SLC20A2: variants seen among roughly 807,000 people sequenced by gnomAD.
SLC20A2 encodes sodium-dependent phosphate transporter 2.
SLC20A2 carries 30 observed loss-of-function variants against 61.0 expected under a neutral mutation model. That is an observed-to-expected ratio of 0.49 (90% CI 0.37 to 0.67). The LOEUF (loss-of-function observed/expected upper bound fraction) is 0.67. Among genes scored for constraint, SLC20A2 ranks in the 30% least tolerant of loss-of-function variants. SLC20A2 has a pLI of 0.00. For missense variants in SLC20A2, 626 were observed against 866.4 expected, an observed-to-expected ratio of 0.72 and a Z score of 3.48; for synonymous variants, 351 against 353.3, an observed-to-expected ratio of 0.99 and a Z score of 0.07.
chr8:42,430,466 G>A (rs529833767), intron 8 of SLC20A2, among the ~76,000 whole-genome samples: 4 of 152,092 alleles, frequency 2.6e-5, no homozygotes, highest in South Asian at 2.1e-4. Context: ...CGGTTCAAGC[G>A]ATTCTCCTGC....
At chr8:42,493,406 C>G (rs1456114699) in intron 1 of SLC20A2, among the ~76,000 whole-genome samples, 1 of 152,358 alleles carries the variant, frequency 6.6e-6, no homozygotes, top group East Asian at 1.9e-4. Flanking sequence ...CCTGGAAACA[C>G]TGGCTAGGGG....
At chr8:42,487,665 G>A (rs553167897) in intron 1 of SLC20A2, among the ~76,000 whole-genome samples, 22 of 152,184 alleles carry the variant, frequency 1.4e-4, no homozygotes, top group African/African-American at 4.8e-4. Flanking sequence ...CCTCTCTAGC[G>A]AACTTGTCAT....
At chr8:42,486,456 C>T (rs2131294883) in intron 1 of SLC20A2, among the ~76,000 whole-genome samples, 1 of 152,262 alleles carries the variant, frequency 6.6e-6, no homozygotes, top group African/African-American at 2.4e-5. Flanking sequence ...CTTGGCCTCC[C>T]ACAGTACTGG....
At position 42,438,904 on chromosome 8, in the gene SLC20A2, A is replaced by G. The variant is rs150423765; in HGVS notation, c.934+546T>C. Among the ~76,000 whole-genome samples, 892 of 152,144 alleles carry G rather than the reference A, an allele frequency of 5.9e-3. 6 individuals carry two copies. Among genetic ancestry groups the G allele is most frequent in the Non-Finnish European group, 7.5e-3 (512 of 67,986 alleles). On this transcript the variant is annotated intron_variant, in intron 7 of 10. Coordinates refer to ENST00000520262, the MANE Select transcript of SLC20A2 (RefSeq NM_001257180.2). ...GCTAATTTTTGTATTTTTAGTAGAG[A>G]TGGGGTTTCACCATGTTGGTCAGGC...
At chr8:42,457,472 G>T (rs75465742) in intron 5 of SLC20A2, among the ~76,000 whole-genome samples, 10,191 of 151,554 alleles carry the variant, frequency 0.067, 1,100 homozygotes, top group African/African-American at 0.23. Flanking sequence ...GCCCCACAGT[G>T]AGTATTTAAA....
intron 2 of SLC20A2, among the ~76,000 whole-genome samples, chr8:42,468,295 G>A (rs1020050857): frequency 1.3e-5 from 2 of 152,196 alleles, no homozygotes; most frequent in African/African-American, 4.8e-5. Flanking sequence ...CTTCCTGAAA[G>A]CTGCTATATT....
At chr8:42,512,155 T>C (rs1446288024) in intron 1 of SLC20A2, among the ~76,000 whole-genome samples, 1 of 152,174 alleles carries the variant, frequency 6.6e-6, no homozygotes, top group African/African-American at 2.4e-5. Flanking sequence ...GACATTATAT[T>C]CTTGCCTCTC....
chr8:42,485,944 C>CA (rs368127646), intron 1 of SLC20A2, among the ~76,000 whole-genome samples: 1,679 of 113,526 alleles, frequency 0.015, 16 homozygotes, highest in African/African-American at 0.031. Context: ...GACTCCGTCT[C>CA]AAAAAAAAAA....
chr8:42,462,972 T>A (rs781004714), intron 4 of SLC20A2, 33 bp downstream of exon 4: 2 of 1,364,416 alleles, frequency 1.5e-6, no homozygotes, highest in South Asian at 2.6e-5. Flanking sequence ...AAATAGTTCT[T>A]AAGATTTAAT....
chr8:42,422,318 G>T (rs1391477868), intron 10 of SLC20A2, among the ~76,000 whole-genome samples: 1 of 152,182 alleles, frequency 6.6e-6, no homozygotes, highest in Non-Finnish European at 1.5e-5. Context: ...CTCCCAAAGT[G>T]CTGGGATTAC....
intron 1 of SLC20A2, among the ~76,000 whole-genome samples, chr8:42,524,567 C>T (rs1811796521): frequency 6.6e-6 from 1 of 152,088 alleles, no homozygotes; most frequent in Admixed American, 6.6e-5. Context: ...TCGGGCAGAT[C>T]ACAAGGTCAG....
chr8:42,443,338 G>A (rs371211892), intron 6 of SLC20A2, among the ~76,000 whole-genome samples: 8 of 121,010 alleles, frequency 6.6e-5, no homozygotes, highest in South Asian at 5.5e-4. Flanking sequence ...TTTTTGAGAC[G>A]GAGTCTCGCT....
In SLC20A2 at chr8:42,417,703, G is replaced by C; in HGVS notation, c.*100C>G. ...GCAGAGAGCTGGTCATGAGAGAGCC[G>C]TGCACGGCCAGGATGTGTATGTGCG... On this transcript the variant is annotated 3_prime_UTR_variant, in exon 11 of 11. Transcript: ENST00000520262. 7.6e-7 allele frequency: 1 copy of C among 1,319,272 alleles called. No homozygotes were observed. The highest frequency in any genetic ancestry group is 1.4e-5 in the African/African-American group (1 of 69,516). The allele number at this position is 1,319,272 out of a possible 1,614,324, so 81.7% of individuals were successfully genotyped here. A position where few individuals can be genotyped will look rare whatever the true frequency, so the allele number is the denominator to read the frequency against.
At position 42,526,476 on chromosome 8, in the gene SLC20A2, C is replaced by A. The variant is rs540160888; in HGVS notation, c.-265+15345G>T. Reference sequence around the variant, plus strand: ...ATCACTAGGTCAGGAGATCGAGACCCTCCTGGCTAACACAGTGAAACCCCG... The same window carrying A: ...ATCACTAGGTCAGGAGATCGAGACCATCCTGGCTAACACAGTGAAACCCCG... On this transcript the variant is annotated intron_variant, in intron 1 of 10. Coordinates refer to the SLC20A2 transcript ENST00000342228. Among the ~76,000 whole-genome samples the A allele has an allele frequency of 7.9e-4, 120 of 151,856 alleles. 1 individual carries two copies. The highest frequency in any genetic ancestry group is 2.9e-3 in the South Asian group (14 of 4,802).
At position 42,530,793 on chromosome 8, in the gene SLC20A2, G is replaced by A. The variant is rs559300827; in HGVS notation, c.-265+11028C>T. Among the ~76,000 whole-genome samples, 4 of 152,270 alleles carry A rather than the reference G, an allele frequency of 2.6e-5. No individual in the cohort carries two copies. In the South Asian group the frequency reaches 8.3e-4, roughly 32 times the overall value. On this transcript the variant is annotated intron_variant, in intron 1 of 10. Coordinates refer to the SLC20A2 transcript ENST00000342228. Reference sequence around the variant, plus strand: ...TGCAGTGGCATGATCTCAGCTCACTGCAACCTCCACCTCCCGGGTTCAAGG... The same window carrying A: ...TGCAGTGGCATGATCTCAGCTCACTACAACCTCCACCTCCCGGGTTCAAGG...
chr8:42,460,138 T>G lies in SLC20A2; in HGVS notation c.517-146A>C, dbSNP rs1156258331. ...AAAGGATGGGCGTTGTCACTGCCTG[T>G]GATCTGCTCCACTTCTGCAGAAATG... On this transcript the variant is annotated intron_variant, in intron 4 of 10. Transcript: ENST00000520262. 1.2e-5 allele frequency: 7 copies of G among 565,734 alleles called. No homozygotes were observed. The East Asian group carries it at 1.8e-4, about 14-fold the overall frequency. The allele number at this position is 565,734 out of a possible 1,614,324, so 35.0% of individuals were successfully genotyped here.
intron 5 of SLC20A2, among the ~76,000 whole-genome samples, chr8:42,451,433 G>A (rs1805637747): frequency 6.7e-6 from 1 of 149,024 alleles, no homozygotes; most frequent in Admixed American, 6.7e-5. Flanking sequence ...AGAGATGTAA[G>A]AGGAGGAGGA....
At chr8:42,466,811 A>G (rs1371085334) in intron 2 of SLC20A2, among the ~76,000 whole-genome samples, 1 of 151,966 alleles carries the variant, frequency 6.6e-6, no homozygotes, top group Non-Finnish European at 1.5e-5. Flanking sequence ...TGAGATTACA[A>G]GTGTGCACCA....
At chr8:42,424,856 G>A (rs1247877410) in intron 10 of SLC20A2, among the ~76,000 whole-genome samples, 1 of 152,140 alleles carries the variant, frequency 6.6e-6, no homozygotes, top group African/African-American at 2.4e-5. Context: ...GACCAGCCTG[G>A]CTAACATGGA....
Sources: gnomAD v4.1 joint callset for allele counts (sites outside exome capture counted in the v4.1 genomes callset) on GRCh38, gnomAD v4.1.1 for gene constraint, MANE v1.5 for transcripts, NCBI Gene and HGNC (gene_info 2026-07-23, HGNC 2026-07-21) for gene names.